Variants in LRRC4C observed in about 807,000 individuals in gnomAD.
The protein encoded by LRRC4C is leucine rich repeat containing 4C, also known as leucine-rich repeat-containing protein 4C.
A neutral mutation model predicts 33.6 loss-of-function variants in LRRC4C; 5 were observed. The ratio of observed to expected loss-of-function variants is 0.15; its 90% CI spans 0.08 to 0.31. The LOEUF is 0.31. Among genes scored for constraint, LRRC4C ranks in the 10% least tolerant of loss-of-function variants. The pLI is 1.00. For synonymous variants in LRRC4C, 329 were observed against 302.0 expected (o/e 1.09, Z -0.93); for missense variants, 560 against 796.7 (o/e 0.70, Z 3.58).
chr11:40,599,616 A>T (rs1374582427), intron 3 of LRRC4C, among the ~76,000 whole-genome samples: 3 of 152,136 alleles, frequency 2.0e-5, no homozygotes, highest in African/African-American at 7.2e-5. Flanking sequence ...ACTAGAATGA[A>T]TGCTGGATGA....
chr11:41,256,349 G>A (rs1198646401), intron 1 of LRRC4C, among the ~76,000 whole-genome samples: 1 of 151,924 alleles, frequency 6.6e-6, no homozygotes, highest in Non-Finnish European at 1.5e-5. Flanking sequence ...TTACTCTCCT[G>A]AACCTTATCC....
At chr11:40,401,886 T>C (rs1413591893) in intron 3 of LRRC4C, among the ~76,000 whole-genome samples, 1 of 152,124 alleles carries the variant, frequency 6.6e-6, no homozygotes, top group Non-Finnish European at 1.5e-5. Context: ...ATGTTGTGTT[T>C]AGTATCTGCA....
At chr11:40,683,139 T>C (rs891298292) in intron 2 of LRRC4C, among the ~76,000 whole-genome samples, 1 of 152,172 alleles carries the variant, frequency 6.6e-6, no homozygotes, top group Non-Finnish European at 1.5e-5. Flanking sequence ...CTCATGCTAG[T>C]TCTATGCGGG....
At position 40,830,765 on chromosome 11, in the gene LRRC4C, A is replaced by AT. The variant is rs1243291852; in HGVS notation, c.-407+102869dup. ...GGTCACCAATAACAAGTTGATCTAT[A>AT]TTTTTTCTTAGTTACATGACTGACT... is the stretch of plus-strand genomic sequence containing the variant. On this transcript the variant is annotated intron_variant, in intron 2 of 6. Coordinates refer to ENST00000528697, the MANE Select transcript of LRRC4C (RefSeq NM_001258419.2). 3.3e-5 allele frequency among the ~76,000 whole-genome samples: 5 copies of AT among 152,134 alleles called. No homozygotes were observed. The South Asian group carries it at 6.2e-4, about 19-fold the overall frequency.
intron 5 of LRRC4C, among the ~76,000 whole-genome samples, chr11:40,224,770 T>A (rs979450397): frequency 6.6e-6 from 1 of 152,232 alleles, no homozygotes; most frequent in East Asian, 1.9e-4. Flanking sequence ...TTAATGTTAT[T>A]CTTAATTGGA....
intron 2 of LRRC4C, among the ~76,000 whole-genome samples, chr11:40,750,950 T>C (rs1193803641): frequency 6.6e-6 from 1 of 152,142 alleles, no homozygotes; most frequent in Non-Finnish European, 1.5e-5. Context: ...TCATGGTTTG[T>C]AAATGGTTTA....
intron 1 of LRRC4C, among the ~76,000 whole-genome samples, chr11:41,034,578 T>G (rs1198209897): frequency 4.3e-5 from 6 of 138,940 alleles, no homozygotes; most frequent in Non-Finnish European, 6.1e-5. Context: ...AATTTGTCTT[T>G]TGTTGTTTTT....
intron 1 of LRRC4C, among the ~76,000 whole-genome samples, chr11:41,103,923 T>C (rs1941348066): frequency 2.0e-5 from 3 of 151,948 alleles, no homozygotes; most frequent in African/African-American, 7.2e-5. Flanking sequence ...CAATTCAATA[T>C]GCATATTCCG....
chr11:40,611,432 A>G lies in LRRC4C; in HGVS notation c.-270+36710T>C, dbSNP rs144425792. Among the ~76,000 whole-genome samples the G allele has an allele frequency of 1.4e-3, 220 of 152,076 alleles. 1 individual carries two copies. The highest frequency in any genetic ancestry group is 5.1e-3 in the African/African-American group (214 of 41,564). ...AAACTCTCATTAGAAAATGTAGGGG[A>G]AAAGCTTCTTAGCATTGGCTTTGAC... On this transcript the variant is annotated intron_variant, in intron 3 of 6. Transcript: ENST00000528697.
intron 2 of LRRC4C, among the ~76,000 whole-genome samples, chr11:40,868,653 G>A (rs1954486415): frequency 6.6e-6 from 1 of 152,090 alleles, no homozygotes; most frequent in South Asian, 2.1e-4. Flanking sequence ...CACTTCCCTT[G>A]TTAGATCAAC....
At chr11:41,357,250 C>A (rs975957713) in intron 1 of LRRC4C, among the ~76,000 whole-genome samples, 2 of 152,008 alleles carry the variant, frequency 1.3e-5, no homozygotes, top group Non-Finnish European at 2.9e-5. Flanking sequence ...TGCTCTTAAT[C>A]TAAATTAGGA....
chr11:40,209,984 T>C (rs1863462896), intron 5 of LRRC4C, among the ~76,000 whole-genome samples: 1 of 152,090 alleles, frequency 6.6e-6, no homozygotes, highest in Non-Finnish European at 1.5e-5. Context: ...ATCACACACT[T>C]GGATAGTACA....
intron 1 of LRRC4C, among the ~76,000 whole-genome samples, chr11:41,458,267 C>A (rs912356252): frequency 2.0e-5 from 3 of 152,114 alleles, no homozygotes; most frequent in African/African-American, 7.2e-5. Flanking sequence ...CATGAACTAA[C>A]ACTATTCTCT....
chr11:40,578,169 T>TTTTTTTTTTTTTTTAG (rs1958301328), intron 3 of LRRC4C, among the ~76,000 whole-genome samples: 1 of 131,830 alleles, frequency 7.6e-6, no homozygotes, highest in Non-Finnish European at 1.6e-5. Flanking sequence ...TTTTTTTTTT[T>TTTTTTTTTTTTTTTAG]TGCCTCTTAA....
At chr11:40,548,680 C>T (rs538805841) in intron 3 of LRRC4C, among the ~76,000 whole-genome samples, 5 of 152,146 alleles carry the variant, frequency 3.3e-5, no homozygotes, top group African/African-American at 7.2e-5. Context: ...CTAGGAAGAA[C>T]GAGGGGGCCA....
chr11:40,183,973 G>T (rs1590644038), intron 5 of LRRC4C, among the ~76,000 whole-genome samples: 1 of 152,330 alleles, frequency 6.6e-6, no homozygotes, highest in East Asian at 1.9e-4. Flanking sequence ...ATTAACAGAA[G>T]ACAGAGCTTA....
At chr11:41,209,003 C>A (rs181379967) in intron 1 of LRRC4C, among the ~76,000 whole-genome samples, 65 of 151,524 alleles carry the variant, frequency 4.3e-4, no homozygotes, top group African/African-American at 1.5e-3. Flanking sequence ...TATTCTCAAG[C>A]CTTAAGAGCA....
chr11:40,590,248 C>A (rs1477342795), intron 3 of LRRC4C, among the ~76,000 whole-genome samples: 1 of 151,722 alleles, frequency 6.6e-6, no homozygotes, highest in Non-Finnish European at 1.5e-5. Flanking sequence ...TTGCTGATAC[C>A]CTTTCTTCCA....
At chr11:41,293,222 TTTTTG>T (rs1950040606) in intron 1 of LRRC4C, among the ~76,000 whole-genome samples, 1 of 152,148 alleles carries the variant, frequency 6.6e-6, no homozygotes, top group South Asian at 2.1e-4. Flanking sequence ...AAACAGGTTA[TTTTTG>T]TTTTATTATT....
Sources: gnomAD v4.1 joint callset for allele counts (sites outside exome capture counted in the v4.1 genomes callset) on GRCh38, gnomAD v4.1.1 for gene constraint, MANE v1.5 for transcripts, NCBI Gene and HGNC (gene_info 2026-07-23, HGNC 2026-07-21) for gene names.